Variants in IQSEC1 observed in about 807,000 individuals in gnomAD.
IQSEC1 encodes the protein IQ motif and Sec7 domain ArfGEF 1.
IQSEC1 carries 31 observed loss-of-function variants against 91.0 expected under a neutral mutation model. The observed-to-expected ratio is 0.34, with a 90% CI of 0.26 to 0.46. The LOEUF (loss-of-function observed/expected upper bound fraction) is 0.46. IQSEC1 is among the 20% of genes least tolerant of loss of function. The pLI is 1.00. For missense variants in IQSEC1, 1,388 were observed against 1,575.6 expected (o/e 0.88, Z 2.02); for synonymous variants, 699 against 662.6 (o/e 1.05, Z -0.84).
chr3:13,019,408 C>G (rs1703298274), intron 1 of IQSEC1, among the ~76,000 whole-genome samples: 1 of 152,256 alleles, frequency 6.6e-6, no homozygotes, highest in Admixed American at 6.5e-5. Context: ...GGAGGGGAAT[C>G]TGAAGACGCA....
At chr3:13,053,706 G>A (rs1377246657) in intron 1 of IQSEC1, among the ~76,000 whole-genome samples, 21 of 152,162 alleles carry the variant, frequency 1.4e-4, no homozygotes, top group Admixed American at 1.4e-3. Flanking sequence ...AGGCAGGGAC[G>A]CCTCAGACTG....
rs577420807 is a variant in IQSEC1 at position 12,899,089 on chromosome 3, T to C, written c.*1894A>G. ...CTAAACTCTAGATTGCTGTATTTGC[T>C]CTCTCTGGAGATTAACAAAGTGCTT... On this transcript the variant is annotated 3_prime_UTR_variant, in exon 14 of 14. Transcript: ENST00000613206. The C allele has an allele frequency of 4.3e-6, 2 of 464,974 alleles. No homozygotes were observed. Among genetic ancestry groups the C allele is most frequent in the East Asian group, 3.6e-5 (1 of 28,004 alleles). The allele number at this position is 464,974 out of a possible 1,614,324, so 28.8% of individuals were successfully genotyped here. A position where few individuals can be genotyped will look rare whatever the true frequency, so the allele number is the denominator to read the frequency against.
intron 2 of IQSEC1, among the ~76,000 whole-genome samples, chr3:12,937,789 T>G (rs973661461): frequency 6.6e-6 from 1 of 152,176 alleles, no homozygotes; most frequent in African/African-American, 2.4e-5. Context: ...GCTCCCTTGC[T>G]CTACAGATGG....
intron 1 of IQSEC1, among the ~76,000 whole-genome samples, chr3:12,965,280 T>C (rs1700490393): frequency 2.0e-5 from 3 of 152,230 alleles, no homozygotes; most frequent in Admixed American, 2.0e-4. Context: ...GGAGTGGTTA[T>C]CTTGGGCCCG....
chr3:13,034,320 A>G (rs976980184), intron 1 of IQSEC1, among the ~76,000 whole-genome samples: 2 of 152,254 alleles, frequency 1.3e-5, no homozygotes, highest in African/African-American at 4.8e-5. Context: ...GCAAACAGTC[A>G]CTTGGGATGG....
intron 1 of IQSEC1, among the ~76,000 whole-genome samples, chr3:13,005,481 G>A (rs982750560): frequency 2.0e-5 from 3 of 152,130 alleles, no homozygotes; most frequent in African/African-American, 2.4e-5. Flanking sequence ...AGGAGTCCTG[G>A]GCAGTCAGCA....
chr3:13,191,930 T>C (rs1338172554), intron 1 of IQSEC1, among the ~76,000 whole-genome samples: 1 of 152,222 alleles, frequency 6.6e-6, no homozygotes, highest in Non-Finnish European at 1.5e-5. Context: ...ATGAATATTG[T>C]GCCCTGTATC....
At chr3:13,154,454 T>TATATATATATATAA (rs1707051790) in intron 2 of IQSEC1, among the ~76,000 whole-genome samples, 1 of 52,736 alleles carries the variant, frequency 1.9e-5, no homozygotes, top group Non-Finnish European at 3.4e-5. Flanking sequence ...TATATATATA[T>TATATATATATATAA]ATATATATAT....
chr3:12,966,630 C>T (rs571229862), intron 1 of IQSEC1, among the ~76,000 whole-genome samples: 5 of 152,264 alleles, frequency 3.3e-5, no homozygotes, highest in African/African-American at 1.2e-4. Context: ...AGGGTTGGCC[C>T]CTCTGACACA....
chr3:13,196,745 T>TGC (rs1166414100), intron 1 of IQSEC1, among the ~76,000 whole-genome samples: 3 of 114,880 alleles, frequency 2.6e-5, no homozygotes, highest in Non-Finnish European at 5.5e-5. Flanking sequence ...TGTACATGTG[T>TGC]GTGCGTGTGT....
intron 1 of IQSEC1, among the ~76,000 whole-genome samples, chr3:13,069,547 G>A (rs888551779): frequency 6.6e-6 from 1 of 152,200 alleles, no homozygotes; most frequent in Non-Finnish European, 1.5e-5. Context: ...CTCCTGCGGG[G>A]GCCGGCAGGT....
In IQSEC1 at chr3:12,904,335, G is replaced by A. The variant is rs74898635; in HGVS notation, c.2756-1513C>T. On this transcript the variant is annotated intron_variant, in intron 12 of 13. Transcript: ENST00000613206. ...GGGTGGCTCTGGCTTGTGTGACGTG[G>A]CCCTCAGAGACCACTACTGGGAAAG... Among the ~76,000 whole-genome samples, 1,094 of 152,330 alleles carry A rather than the reference G, an allele frequency of 7.2e-3. 16 individuals are homozygous for A. Among genetic ancestry groups the A allele is most frequent in the East Asian group, 0.064 (331 of 5,182 alleles).
chr3:13,213,936 G>A (rs956538017), intron 1 of IQSEC1, among the ~76,000 whole-genome samples: 1 of 152,104 alleles, frequency 6.6e-6, no homozygotes, highest in Admixed American at 6.5e-5. Flanking sequence ...GAGCCTCACT[G>A]ATTCTGCCGC....
At chr3:13,099,501 C>A (rs926178356) in intron 2 of IQSEC1, among the ~76,000 whole-genome samples, 7 of 152,150 alleles carry the variant, frequency 4.6e-5, no homozygotes, top group Non-Finnish European at 1.5e-5. Flanking sequence ...AGCTGGGTGT[C>A]CCCGGGTGCA....
intron 1 of IQSEC1, among the ~76,000 whole-genome samples, chr3:13,040,924 C>T (rs1400971310): frequency 1.3e-5 from 2 of 152,118 alleles, no homozygotes; most frequent in East Asian, 1.9e-4. Context: ...AGGGTCTGTC[C>T]CTCATTTGTC....
chr3:13,136,715 G>A (rs989491263), intron 2 of IQSEC1, among the ~76,000 whole-genome samples: 8 of 152,242 alleles, frequency 5.3e-5, no homozygotes. Flanking sequence ...ATCTTAAAGA[G>A]ATGTGGGTGA....
rs2125641639 is a variant in IQSEC1 at position 12,994,412 on chromosome 3, G to C, written c.24-52547C>G. Among the ~76,000 whole-genome samples the C allele has an allele frequency of 6.6e-6, 1 of 152,130 alleles. No individual in the cohort carries two copies. Among genetic ancestry groups the C allele is most frequent in the South Asian group, 2.1e-4 (1 of 4,826 alleles). On this transcript the variant is annotated intron_variant, in intron 1 of 13. Coordinates refer to ENST00000613206, the MANE Select transcript of IQSEC1 (RefSeq NM_001134382.3). The surrounding 1 kb of genome is among the most constrained non-coding windows in gnomAD (Gnocchi z 4.5). ...CCGCCGACGTCACCCGAGCCTGGAC[G>C]AGTGGAGGGCGCTCAGGTCGGTGCA...
intron 1 of IQSEC1, among the ~76,000 whole-genome samples, chr3:13,218,414 AAGAC>A (rs1019122991): frequency 2.6e-5 from 4 of 152,202 alleles, no homozygotes; most frequent in Admixed American, 6.5e-5. Context: ...GTGAGAGAAA[AAGAC>A]AGACAGAATA....
At chr3:13,257,107 C>A (rs1576312878) in intron 1 of IQSEC1, among the ~76,000 whole-genome samples, 1 of 152,156 alleles carries the variant, frequency 6.6e-6, no homozygotes, top group Admixed American at 6.5e-5. Context: ...TGCTCACCAC[C>A]CTGCCAGGCA....
Sources: allele counts gnomAD v4.1 joint callset (sites outside exome capture counted in the v4.1 genomes callset), GRCh38; gene constraint gnomAD v4.1.1; non-coding constraint Gnocchi (gnomAD v3.1); transcripts MANE v1.5; gene names NCBI Gene and HGNC (gene_info 2026-07-23, HGNC 2026-07-21).